SYTL5: variants seen among roughly 807,000 people sequenced by gnomAD.
SYTL5 encodes the protein synaptotagmin like 5, also known as synaptotagmin-like protein 5.
SYTL5 carries 34 observed loss-of-function variants against 55.9 expected under a neutral mutation model. The ratio of observed to expected loss-of-function variants is 0.61; its 90% CI spans 0.46 to 0.81. The LOEUF (loss-of-function observed/expected upper bound fraction) is 0.81. Among genes scored for constraint, SYTL5 ranks in the 30% least tolerant of loss-of-function variants. The pLI, the probability that SYTL5 is intolerant of heterozygous loss-of-function variation, is 0.00. For missense variants in SYTL5, 637 were observed against 546.7 expected (o/e 1.17, Z -1.65); for synonymous variants, 221 against 188.7 (o/e 1.17, Z -1.40).
At chrX:38,060,809 T>A (rs971121703) in intron 3 of SYTL5, among the ~76,000 whole-genome samples, 22 of 112,222 alleles carry the variant, frequency 2.0e-4, no homozygotes, top group African/African-American at 7.1e-4. Context: ...AATCAAAACT[T>A]CCGTGTCTTC....
intron 7 of SYTL5, among the ~76,000 whole-genome samples, chrX:38,091,969 G>T (rs1311028137): frequency 1.8e-5 from 2 of 111,571 alleles, no homozygotes; most frequent in East Asian, 5.6e-4. Context: ...AATCTAGCTG[G>T]TCTAAGCTGG....
intron 3 of SYTL5, among the ~76,000 whole-genome samples, chrX:38,068,148 T>C (rs1426826835): frequency 2.7e-5 from 3 of 111,858 alleles, no homozygotes; most frequent in Admixed American, 1.9e-4. Context: ...AAAGAAGATA[T>C]ACAAGGAGCT....
At chrX:38,046,613 T>C (rs1461623460) in intron 2 of SYTL5, among the ~76,000 whole-genome samples, 1 of 111,574 alleles carries the variant, frequency 9.0e-6, no homozygotes, top group Non-Finnish European at 1.9e-5. Context: ...AACCATATCA[T>C]TCTGCCTCTT....
At chrX:38,059,249 T>G (rs1232593257) in intron 3 of SYTL5, among the ~76,000 whole-genome samples, 2 of 112,010 alleles carry the variant, frequency 1.8e-5, no homozygotes, top group African/African-American at 6.5e-5. Flanking sequence ...ATCTGTTATC[T>G]GAGTCCCCTA....
intron 1 of SYTL5, among the ~76,000 whole-genome samples, chrX:38,006,961 G>A (rs940900668): frequency 1.2e-4 from 13 of 111,156 alleles, no homozygotes; most frequent in African/African-American, 4.2e-4. Context: ...ACTGAAGAGT[G>A]AGTGCCTCCA....
chrX:38,055,880 T>G (rs1418615756), intron 3 of SYTL5, among the ~76,000 whole-genome samples: 1 of 112,006 alleles, frequency 8.9e-6, no homozygotes, highest in African/African-American at 3.2e-5. Context: ...TGAGATATTT[T>G]GATACAGGCT....
At chrX:38,061,780 C>A (rs1053119856) in intron 3 of SYTL5, among the ~76,000 whole-genome samples, 5 of 110,617 alleles carry the variant, frequency 4.5e-5, no homozygotes, top group Non-Finnish European at 9.4e-5. Flanking sequence ...CTTGACACAG[C>A]CAGTTAATTC....
the SYTL5 span, among the ~76,000 whole-genome samples, chrX:37,987,189 A>G: frequency 4.5e-5 from 5 of 112,091 alleles, no homozygotes; most frequent in Non-Finnish European, 7.5e-5. Flanking sequence ...TCCTTAAAAT[A>G]ACATTTAAAA....
the SYTL5 span, among the ~76,000 whole-genome samples, chrX:37,957,356 A>G: frequency 1.8e-5 from 2 of 111,714 alleles, no homozygotes; most frequent in Non-Finnish European, 3.8e-5. Context: ...CATTGCCAAG[A>G]ACCAACATTA....
upstream of SYTL5, among the ~76,000 whole-genome samples, chrX:38,001,871 A>G (rs1933867123): frequency 9.0e-6 from 1 of 110,499 alleles, no homozygotes. Flanking sequence ...AAATATATAT[A>G]TTTTTTACTA....
intron 2 of SYTL5, among the ~76,000 whole-genome samples, chrX:38,049,376 T>A (rs775365527): frequency 7.4e-4 from 83 of 111,858 alleles, no homozygotes; most frequent in African/African-American, 2.6e-3. Context: ...TGACTTAAAA[T>A]GGGAACATAT....
At chrX:38,010,347 A>G (rs1269021047) in intron 1 of SYTL5, among the ~76,000 whole-genome samples, 3 of 111,551 alleles carry the variant, frequency 2.7e-5, no homozygotes, top group African/African-American at 9.8e-5. Context: ...TACAGCAAGG[A>G]TGCAAGCACA....
the SYTL5 span, among the ~76,000 whole-genome samples, chrX:37,958,221 A>C: frequency 9.1e-6 from 1 of 110,379 alleles, no homozygotes; most frequent in Non-Finnish European, 1.9e-5. Context: ...AAAAAAAAAA[A>C]CAAAAAAAAC....
chrX:37,991,865 T>C, the SYTL5 span, among the ~76,000 whole-genome samples: 1 of 112,127 alleles, frequency 8.9e-6, no homozygotes, highest in East Asian at 2.8e-4. Flanking sequence ...TGCCTTATTA[T>C]GAAAGCGGAT....
chrX:38,029,494 G>A (rs1238530941), intron 1 of SYTL5, among the ~76,000 whole-genome samples: 1 of 112,028 alleles, frequency 8.9e-6, no homozygotes, highest in Non-Finnish European at 1.9e-5. Context: ...TATGTACCAG[G>A]TGTGGCACCT....
the SYTL5 span, among the ~76,000 whole-genome samples, chrX:37,912,160 A>G: frequency 1.8e-5 from 2 of 111,584 alleles, no homozygotes; most frequent in African/African-American, 6.5e-5. Flanking sequence ...TTTTGAGTTT[A>G]CCCTCATAGC....
chrX:37,905,481 G>C, the SYTL5 span, among the ~76,000 whole-genome samples: 1 of 109,055 alleles, frequency 9.2e-6, no homozygotes, highest in Admixed American at 9.7e-5. Flanking sequence ...GGTAGGGTCC[G>C]AGGAAAGGAA....
intron 13 of SYTL5, among the ~76,000 whole-genome samples, chrX:38,111,256 A>G (rs1486759797): frequency 8.9e-6 from 1 of 112,013 alleles, no homozygotes; most frequent in African/African-American, 3.2e-5. Context: ...ATGACTGCCC[A>G]TGTGACCTTG....
chrX:37,959,216 G>A, the SYTL5 span, among the ~76,000 whole-genome samples: 2 of 111,709 alleles, frequency 1.8e-5, no homozygotes, highest in East Asian at 5.6e-4. Context: ...TAGCTATGGG[G>A]ATCTGCCCGC....
Sources: allele counts gnomAD v4.1 joint callset (sites outside exome capture counted in the v4.1 genomes callset), GRCh38; gene constraint gnomAD v4.1.1; transcripts MANE v1.5; gene names NCBI Gene and HGNC (gene_info 2026-07-23, HGNC 2026-07-21).